The following ABCF2 variants were observed in gnomAD, a reference collection of about 807,000 sequenced individuals.
ABCF2 encodes the protein ATP-binding cassette sub-family F member 2.
Under a neutral mutation model 76.9 loss-of-function variants are expected in ABCF2, and 37 were observed. The observed-to-expected ratio is 0.48, with a 90% CI of 0.37 to 0.63. The LOEUF (loss-of-function observed/expected upper bound fraction) is 0.63, where lower values mean the gene tolerates loss of function less well. ABCF2 is among the 30% of genes least tolerant of loss of function. The pLI is 0.00. For synonymous variants in ABCF2, 299 were observed against 283.7 expected, an observed-to-expected ratio of 1.05 and a Z score of -0.54; for missense variants, 524 against 782.1, an observed-to-expected ratio of 0.67 and a Z score of 3.94.
rs1303588647 is a variant in ABCF2, at chr7:151,218,070, T to G, written c.1338+11A>C. 1 of 1,597,186 alleles carries G rather than the reference T, an allele frequency of 6.3e-7. No individual in the cohort carries two copies. The highest frequency in any genetic ancestry group is 8.6e-7 in the Non-Finnish European group (1 of 1,164,780). The stretch of plus-strand genomic sequence containing the variant: ...ATCTTAGAGGGATCCACGCCCACCT[T>G]GGCACCATACCTCTCCAGTTAGCAG... On this transcript the variant is annotated intron_variant, in intron 11 of 14. Transcript: ENST00000287844.
rs1035286537 is a variant in ABCF2 at position 151,213,651 on chromosome 7, G to A, written c.*403C>T. 1.0e-5 allele frequency: 10 copies of A among 1,003,640 alleles called. No individual in the cohort carries two copies. The highest frequency in any genetic ancestry group is 1.2e-5 in the Non-Finnish European group (10 of 843,066). 62.2% of individuals were successfully genotyped at this position (1,003,640 alleles called of 1,614,324 possible). A position where few individuals can be genotyped will look rare whatever the true frequency, so the allele number is the denominator to read the frequency against. The stretch of plus-strand genomic sequence containing the variant: ...CCAGAAGCAAAAAGGAATCGGGGCG[G>A]TGGGCTGGGGGGTACTCCTCCAACA... On this transcript the variant is annotated 3_prime_UTR_variant, in exon 15 of 15. Coordinates refer to ENST00000287844, the MANE Select transcript of ABCF2 (RefSeq NM_007189.3).
At chr7:151,222,298 A>T (rs950658105) in intron 6 of ABCF2, among the ~76,000 whole-genome samples, 12 of 150,872 alleles carry the variant, frequency 8.0e-5, no homozygotes, top group Non-Finnish European at 1.5e-4. Context: ...GATTTTTTTT[A>T]AAAAAAAAAG....
At chr7:151,223,889 T>C (rs752927144) in intron 4 of ABCF2, 40 bp from the exon 5 acceptor site, 1 of 1,605,588 alleles carries the variant, frequency 6.2e-7, no homozygotes, top group African/African-American at 1.3e-5. Context: ...TGGGGGCCTT[T>C]CTGGGAGGAC....
rs61739226 is a variant in ABCF2 at position 151,223,729 on chromosome 7, T to C, written c.671A>G (p.Lys224Arg). 3.7e-6 allele frequency: 6 copies of C among 1,612,496 alleles called. No individual in the cohort carries two copies. Among genetic ancestry groups the C allele is most frequent in the Admixed American group, 1.7e-5 (1 of 59,918 alleles). The change falls in exon 5 of 15, where the codon AAG (lysine) becomes AGG (arginine). Residue 224 changes from lysine (K) to arginine (R), a missense_variant. Around this residue, in one of 2 missense-constraint regions of ABCF2, gnomAD observed 330 missense variants for 433.6 expected, o/e 0.76. Coordinates refer to ENST00000287844, the MANE Select transcript of ABCF2 (RefSeq NM_007189.3). ...GLGFTPAMQR[K>R]KLKDFSGGWR... ...GCCCCCACTGAAGTCTTTTAGCTTC[T>C]TGCGCTGCATGGCAGGTGTGAAACC...
chr7:151,226,615 G>A (rs1281055242), intron 1 of ABCF2, 115 bp from the exon 2 acceptor site: 2 of 747,696 alleles, frequency 2.7e-6, no homozygotes, highest in Admixed American at 3.1e-5. Context: ...TGATGCCCTG[G>A]CCTGCCCCCG....
chr7:151,222,571 G>C lies in ABCF2; in HGVS notation c.768C>G (p.Thr256=). 6.2e-7 allele frequency: 1 copy of C among 1,613,918 alleles called. No individual in the cohort carries two copies. Among genetic ancestry groups the C allele is most frequent in the Non-Finnish European group, 8.5e-7 (1 of 1,179,906 alleles). ...RPFMLLLDEP[T]NHLDLDACVW... ...CGCAAGCATCTAGGTCCAGGTGGTT[G>C]GTAGGCTCATCCAGGAGCAGCATGA... Residue 256 remains threonine, a synonymous_variant, in exon 6 of 15, where the codon ACC becomes ACG. Coordinates refer to ENST00000287844, the MANE Select transcript of ABCF2 (RefSeq NM_007189.3).
intron 5 of ABCF2, 60 bp downstream of exon 5, chr7:151,223,618 A>G: frequency 6.6e-7 from 1 of 1,513,166 alleles, no homozygotes; most frequent in Non-Finnish European, 8.9e-7. Context: ...CACTGGAGTG[A>G]ACACTAAACA....
Position 151,213,799 on chromosome 7 carries a change from G to A in ABCF2, c.*255C>T. On this transcript the variant is annotated 3_prime_UTR_variant, in exon 15 of 15. Coordinates refer to ENST00000287844, the MANE Select transcript of ABCF2 (RefSeq NM_007189.3). ...ACACTCAGAGTAAGATAACCAGCAA[G>A]GGGCTGGAGGGAACGGCCAGCCGAG... The A allele has an allele frequency of 7.7e-7, 1 of 1,299,340 alleles. No homozygotes were observed. The highest frequency in any genetic ancestry group is 9.8e-7 in the Non-Finnish European group (1 of 1,024,756). 80.5% of individuals were successfully genotyped at this position (1,299,340 alleles called of 1,614,324 possible). A position where few individuals can be genotyped will look rare whatever the true frequency, so the allele number is the denominator to read the frequency against.
intron 7 of ABCF2, among the ~76,000 whole-genome samples, chr7:151,220,315 G>C (rs1802240735): frequency 6.6e-6 from 1 of 151,546 alleles, no homozygotes; most frequent in Non-Finnish European, 1.5e-5. Context: ...CTTGAACCTG[G>C]GAGGTGGAGG....
rs765219601 is a variant in ABCF2 at position 151,214,169 on chromosome 7, C to G, written c.1757G>C (p.Cys586Ser). The part of the protein sequence containing the change: ...IQQVAQEIWV[C>S]EKQTITKWPG... ...CCACTTGGTGATTGTCTGCTTCTCA[C>G]AGACCCAAATTTCCTGTGCAACCTA... The change falls in exon 15 of 15, where the codon TGT (cysteine) becomes TCT (serine). Residue 586 changes from cysteine (C) to serine (S), a missense_variant. By Grantham distance (112) the Cys-to-Ser change is moderately radical. Coordinates refer to ENST00000287844, the MANE Select transcript of ABCF2 (RefSeq NM_007189.3). This position sits in a 1 kb window ranked among gnomAD's most constrained non-coding sequence, Gnocchi z 4.9. 4 of 1,614,198 alleles carry G rather than the reference C, an allele frequency of 2.5e-6. No homozygotes were observed. Among genetic ancestry groups the G allele is most frequent in the Non-Finnish European group, 3.4e-6 (4 of 1,180,028 alleles).
Position 151,215,080 on chromosome 7 carries a change from C to T in ABCF2, c.1533G>A (p.Val511=). 1.2e-6 allele frequency: 2 copies of T among 1,612,710 alleles called. No individual in the cohort carries two copies. Among genetic ancestry groups the T allele is most frequent in the Non-Finnish European group, 8.5e-7 (1 of 1,179,328 alleles). Reference sequence around the variant, plus strand: ...CGTCTGACAAGTTCCGGATTGGGCTCACCTGAGTAGAACCGTGACCTACAT... The same window carrying T: ...CGTCTGACAAGTTCCGGATTGGGCTTACCTGAGTAGAACCGTGACCTACAT... ...GRYGLTGKQQ[V]SPIRNLSDGQ... The change falls in exon 14 of 15, where the codon GTG becomes GTA. Residue 511 remains valine (V), a splice_region_variant and synonymous_variant. Transcript: ENST00000287844. The surrounding 1 kb of genome is among the most constrained non-coding windows in gnomAD (Gnocchi z 4.6).
chr7:151,221,537 G>C (rs1802267779), intron 7 of ABCF2, 41 bp downstream of exon 7: 2 of 1,171,174 alleles, frequency 1.7e-6, no homozygotes, highest in Non-Finnish European at 2.5e-6. Flanking sequence ...CAGAGAATTG[G>C]TATGCACAGA....
At position 151,215,020 on chromosome 7, in the gene ABCF2, G is replaced by A; in HGVS notation, c.1593C>T (p.Ala531=). The change falls in exon 14 of 15, where the codon GCC becomes GCT. Residue 531 remains alanine, a synonymous_variant. Coordinates refer to ENST00000287844, the MANE Select transcript of ABCF2 (RefSeq NM_007189.3). The surrounding 1 kb of genome is among the most constrained non-coding windows in gnomAD (Gnocchi z 4.6). ...QKCRVCLAWL[A]WQNPHMLFLD... ...GGAAGAGCATGTGGGGGTTCTGCCA[G>A]GCCAGCCAGGCCAGACACACTCGGC... 1 of 1,614,184 alleles carries A rather than the reference G, an allele frequency of 6.2e-7. No homozygotes were observed. Among genetic ancestry groups the A allele is most frequent in the African/African-American group, 1.3e-5 (1 of 75,054 alleles).
At chr7:151,226,833 T>G in intron 1 of ABCF2, 4 of 174,572 alleles carry the variant, frequency 2.3e-5, no homozygotes, top group Admixed American at 6.3e-5. Flanking sequence ...AACTTGGCGC[T>G]CCGCACTCAG....
chr7:151,225,898 A>G (rs1802362643), intron 2 of ABCF2, among the ~76,000 whole-genome samples: 1 of 152,240 alleles, frequency 6.6e-6, no homozygotes. Flanking sequence ...AAAACCCCAT[A>G]AATCAACTCA....
At chr7:151,225,027 C>T in intron 2 of ABCF2, 39 bp from the exon 3 acceptor site, 1 of 1,581,404 alleles carries the variant, frequency 6.3e-7, no homozygotes, top group Non-Finnish European at 8.7e-7. Flanking sequence ...TGGCGTGAGA[C>T]AGACTCGGCT....
In ABCF2 at chr7:151,218,049, T is replaced by TA. The variant is rs748974757; in HGVS notation, c.1338+31dup. 8.0e-6 allele frequency: 12 copies of TA among 1,502,744 alleles called. No homozygotes were observed. The South Asian group carries it at 1.4e-4, about 17-fold the overall frequency. The allele number at this position is 1,502,744 out of a possible 1,614,324, so 93.1% of individuals were successfully genotyped here. ...CCTTAACCATCGCAAGGCCTAATCTTAGAGGGATCCACGCCCACCTTGGCA... is the reference window on the plus strand; with the variant it reads ...CCTTAACCATCGCAAGGCCTAATCTTAAGAGGGATCCACGCCCACCTTGGCA... On this transcript the variant is annotated intron_variant, in intron 11 of 14. Transcript: ENST00000287844.
intron 11 of ABCF2, 145 bp downstream of exon 11, chr7:151,217,936 G>A: frequency 1.6e-6 from 1 of 623,876 alleles, no homozygotes; most frequent in South Asian, 2.0e-5. Flanking sequence ...CCCTCTCCTG[G>A]CTGCTGCTCC....
rs773522853 is a variant in ABCF2 at position 151,224,959 on chromosome 7, C to T, written c.184G>A (p.Asp62Asn). The change falls in exon 3 of 15, where the codon GAC (aspartate) becomes AAC (asparagine). Residue 62 changes from aspartate (D) to asparagine (N), a missense_variant. Around this residue, in one of 2 missense-constraint regions of ABCF2, gnomAD observed 330 missense variants for 433.6 expected, o/e 0.76. Coordinates refer to ENST00000287844, the MANE Select transcript of ABCF2 (RefSeq NM_007189.3). Reference sequence around the variant, plus strand: ...GCAGCAGCTTTCTTCATCTCAAAGTCCTCTAGCTCCTTGGTCAGCAAATCT... The same window carrying T: ...GCAGCAGCTTTCTTCATCTCAAAGTTCTCTAGCTCCTTGGTCAGCAAATCT... Reference protein sequence around the residue: ...EVDLLTKELEDFEMKKAAARA... With the variant: ...EVDLLTKELENFEMKKAAARA... 13 of 1,614,046 alleles carry T rather than the reference C, an allele frequency of 8.1e-6. No individual in the cohort carries two copies. Among genetic ancestry groups the T allele is most frequent in the Middle Eastern group, 1.7e-4 (1 of 6,060 alleles).
Sources: allele counts gnomAD v4.1 joint callset (sites outside exome capture counted in the v4.1 genomes callset), GRCh38; gene constraint gnomAD v4.1.1; regional missense constraint gnomAD v4.1.1; non-coding constraint Gnocchi (gnomAD v3.1); transcripts MANE v1.5; gene names NCBI Gene and HGNC (gene_info 2026-07-23, HGNC 2026-07-21).